GRIN2B: variants seen among roughly 807,000 people sequenced by gnomAD.
The protein encoded by GRIN2B is glutamate ionotropic receptor NMDA type subunit 2B.
Under a neutral mutation model 114.5 loss-of-function variants are expected in GRIN2B, and 5 were observed. The ratio of observed to expected loss-of-function variants is 0.04; its 90% CI spans 0.02 to 0.09. GRIN2B has a LOEUF of 0.09. GRIN2B is among the 10% of genes least tolerant of loss of function. The pLI is 1.00. For missense variants in GRIN2B, 1,108 were observed against 1,943.5 expected, an observed-to-expected ratio of 0.57 and a Z score of 8.08; for synonymous variants, 787 against 745.1, an observed-to-expected ratio of 1.06 and a Z score of -0.92.
chr12:13,758,939 C>T (rs182766364), intron 3 of GRIN2B, among the ~76,000 whole-genome samples: 44 of 148,900 alleles, frequency 3.0e-4, no homozygotes, highest in Non-Finnish European at 1.8e-4. Flanking sequence ...ATATTGTAGA[C>T]GTTTTATTTA....
In GRIN2B at chr12:13,560,411, A is replaced by G. The variant is rs1192814519; in HGVS notation, c.*2372T>C. The G allele has an allele frequency of 6.6e-6, 1 of 152,236 alleles. No homozygotes were observed. The highest frequency in any genetic ancestry group is 1.9e-4 in the East Asian group (1 of 5,198). 9.4% of individuals were successfully genotyped at this position (152,236 alleles called of 1,614,324 possible). On this transcript the variant is annotated 3_prime_UTR_variant, in exon 14 of 14. Transcript: ENST00000609686. The stretch of plus-strand genomic sequence containing the variant: ...AAATTAGAAAACAAAATATTTACAT[A>G]TGAAATAAACACCATCTTGATTTCT...
Position 13,540,291 on chromosome 12 carries a change from C to A in GRIN2B, c.*22492G>T, listed in dbSNP as rs1948260231. ...TCTTTATTTTTTGAATATAAAGTGA[C>A]AGAAATAATTTGCCATTAGAAAAGA... On this transcript the variant is annotated 3_prime_UTR_variant, in exon 14 of 14. Coordinates refer to ENST00000609686, the MANE Select transcript of GRIN2B (RefSeq NM_000834.5). 6.6e-6 allele frequency: 1 copy of A among 152,124 alleles called. No individual in the cohort carries two copies. Among genetic ancestry groups the A allele is most frequent in the Admixed American group, 6.5e-5 (1 of 15,274 alleles). The allele number at this position is 152,124 out of a possible 1,614,324, so 9.4% of individuals were successfully genotyped here.
chr12:13,601,570 G>A (rs1456039004), intron 10 of GRIN2B, among the ~76,000 whole-genome samples: 2 of 151,768 alleles, frequency 1.3e-5, no homozygotes, highest in African/African-American at 4.8e-5. Flanking sequence ...TAGGGGTTAG[G>A]ATGTGGCTAT....
intron 2 of GRIN2B, among the ~76,000 whole-genome samples, chr12:13,907,019 A>G (rs1332815937): frequency 5.3e-5 from 8 of 152,208 alleles, no homozygotes; most frequent in African/African-American, 1.9e-4. Context: ...TTTCACATAA[A>G]TCAAATGATA....
chr12:13,933,278 G>A lies in GRIN2B; in HGVS notation c.-19+46650C>T, dbSNP rs76977930. Among the ~76,000 whole-genome samples, 502 of 152,112 alleles carry A rather than the reference G, an allele frequency of 3.3e-3. 4 individuals carry two copies. Among genetic ancestry groups the A allele is most frequent in the African/African-American group, 0.012 (484 of 41,486 alleles). On this transcript the variant is annotated intron_variant, in intron 2 of 13. Coordinates refer to ENST00000609686, the MANE Select transcript of GRIN2B (RefSeq NM_000834.5). ...GCCATTGTCTCCCTGCCAGCACCCC[G>A]ACTGAAACACAGGTAGGACCCAAAA...
intron 3 of GRIN2B, among the ~76,000 whole-genome samples, chr12:13,826,258 G>C (rs990544420): frequency 1.4e-4 from 21 of 152,022 alleles, no homozygotes; most frequent in African/African-American, 5.1e-4. Flanking sequence ...ATCACTTGAG[G>C]TTGGGAGTTC....
intron 3 of GRIN2B, among the ~76,000 whole-genome samples, chr12:13,839,538 T>C (rs1299629456): frequency 6.6e-6 from 1 of 152,218 alleles, no homozygotes; most frequent in Non-Finnish European, 1.5e-5. Flanking sequence ...CGAAGCACTC[T>C]CATGTATCTC....
At chr12:13,621,979 T>C (rs1290684903) in intron 5 of GRIN2B, among the ~76,000 whole-genome samples, 1 of 146,356 alleles carries the variant, frequency 6.8e-6, no homozygotes, top group African/African-American at 2.5e-5. Context: ...CCATGAACAG[T>C]TGATGTGAGC....
intron 2 of GRIN2B, among the ~76,000 whole-genome samples, chr12:13,896,965 C>G (rs893456329): frequency 2.6e-5 from 4 of 152,050 alleles, no homozygotes; most frequent in African/African-American, 9.7e-5. Flanking sequence ...TAAAGCAACT[C>G]AGAAAGATGC....
rs11055679 is a variant in GRIN2B, at chr12:13,904,029, A to G, written c.-18-37803T>C. ...ATATTTGCATGGCATCTGTTTTTCCAACTTTGTATAGTCACTCAGTACCAT... is the reference window on the plus strand; with the variant it reads ...ATATTTGCATGGCATCTGTTTTTCCGACTTTGTATAGTCACTCAGTACCAT... On this transcript the variant is annotated intron_variant, in intron 2 of 13. Coordinates refer to ENST00000609686, the MANE Select transcript of GRIN2B (RefSeq NM_000834.5). Among the ~76,000 whole-genome samples, 8 of 152,114 alleles carry G rather than the reference A, an allele frequency of 5.3e-5. No homozygotes were observed. In the East Asian group the frequency reaches 1.2e-3, roughly 22 times the overall value.
intron 3 of GRIN2B, among the ~76,000 whole-genome samples, chr12:13,775,270 T>C (rs1176986974): frequency 6.6e-6 from 1 of 152,212 alleles, no homozygotes; most frequent in African/African-American, 2.4e-5. Context: ...GTAATAACTA[T>C]ACTGGATTAC....
chr12:13,890,060 C>A (rs770868313), intron 2 of GRIN2B, among the ~76,000 whole-genome samples: 1 of 152,176 alleles, frequency 6.6e-6, no homozygotes, highest in Non-Finnish European at 1.5e-5. Flanking sequence ...GGATGTGAGT[C>A]CCTGCTGTCC....
chr12:13,905,047 T>G (rs1429822557), intron 2 of GRIN2B, among the ~76,000 whole-genome samples: 1 of 152,158 alleles, frequency 6.6e-6, no homozygotes, highest in Admixed American at 6.5e-5. Context: ...TATAGGTAGA[T>G]AAACAGAGAT....
Position 13,616,328 on chromosome 12 carries a change from A to G in GRIN2B, c.1328+127T>C, listed in dbSNP as rs1949440064. 6.8e-6 allele frequency: 5 copies of G among 737,826 alleles called. No homozygotes were observed. The Admixed American group carries it at 1.0e-4, about 15-fold the overall frequency. The allele number at this position is 737,826 out of a possible 1,614,324, so 45.7% of individuals were successfully genotyped here. On this transcript the variant is annotated intron_variant, in intron 6 of 13. Transcript: ENST00000609686. ...AGGGCTGCCAGTAATCCCACAGCTC[A>G]AAAGCAACTAGAAATCAGACACAGT...
At chr12:13,774,931 G>A (rs537023315) in intron 3 of GRIN2B, among the ~76,000 whole-genome samples, 4 of 152,292 alleles carry the variant, frequency 2.6e-5, no homozygotes, top group African/African-American at 7.2e-5. Context: ...GAAAGGAAGA[G>A]ATCACATGTG....
chr12:13,634,523 A>C (rs1949649036), intron 5 of GRIN2B, among the ~76,000 whole-genome samples: 1 of 152,142 alleles, frequency 6.6e-6, no homozygotes, highest in African/African-American at 2.4e-5. Flanking sequence ...AACTAGCGAG[A>C]GACAAAAGGA....
At chr12:13,977,203 G>A (rs1449408180) in intron 2 of GRIN2B, 1 of 152,090 alleles carries the variant, frequency 6.6e-6, no homozygotes, top group African/African-American at 2.4e-5. Flanking sequence ...CTCTCTGCCT[G>A]CGTCCATCCC....
At chr12:13,641,531 C>T (rs557531892) in intron 5 of GRIN2B, among the ~76,000 whole-genome samples, 2 of 152,208 alleles carry the variant, frequency 1.3e-5, no homozygotes, top group East Asian at 3.9e-4. Flanking sequence ...CTGTTAGTTT[C>T]TGATTACTTG....
At chr12:13,701,513 C>CAAAA (rs10536664) in intron 4 of GRIN2B, among the ~76,000 whole-genome samples, 1 of 130,782 alleles carries the variant, frequency 7.6e-6, no homozygotes, top group Non-Finnish European at 1.6e-5. Context: ...TTCAGTGGCA[C>CAAAA]AAAAAAAAAA....
Sources: allele counts gnomAD v4.1 joint callset (sites outside exome capture counted in the v4.1 genomes callset), GRCh38; gene constraint gnomAD v4.1.1; transcripts MANE v1.5; gene names NCBI Gene and HGNC (gene_info 2026-07-23, HGNC 2026-07-21).